DNAAF9: variants seen among roughly 807,000 people sequenced by gnomAD.
DNAAF9 encodes shulin.
In DNAAF9, 90 loss-of-function variants were observed where a neutral mutation model predicts 167.0. The ratio of observed to expected loss-of-function variants is 0.54; its 90% CI spans 0.45 to 0.64. DNAAF9 has a LOEUF of 0.64. DNAAF9 is among the 30% of genes least tolerant of loss of function. The pLI is 0.00. For synonymous variants in DNAAF9, 491 were observed against 508.8 expected (o/e 0.96, Z 0.47); for missense variants, 1,315 against 1,442.2 (o/e 0.91, Z 1.43).
intron 13 of DNAAF9, among the ~76,000 whole-genome samples, chr20:3,325,633 G>C (rs1372855578): frequency 6.6e-6 from 1 of 152,132 alleles, no homozygotes; most frequent in African/African-American, 2.4e-5. Context: ...TTGGCATTTG[G>C]GAGGCATCAA....
At chr20:3,299,933 C>T (rs1387855887) in intron 21 of DNAAF9, among the ~76,000 whole-genome samples, 1 of 152,082 alleles carries the variant, frequency 6.6e-6, no homozygotes. Context: ...ACACAGTTTT[C>T]ACTCTCTCAC....
intron 22 of DNAAF9, among the ~76,000 whole-genome samples, chr20:3,297,395 T>G (rs893373947): frequency 2.6e-5 from 4 of 152,278 alleles, no homozygotes; most frequent in African/African-American, 9.6e-5. Flanking sequence ...CAGACTGGGC[T>G]GAGAAGCTAT....
intron 10 of DNAAF9, among the ~76,000 whole-genome samples, chr20:3,336,558 T>C (rs1264860524): frequency 6.6e-6 from 1 of 152,156 alleles, no homozygotes; most frequent in Non-Finnish European, 1.5e-5. Flanking sequence ...CTGTTATTTA[T>C]TTATTTTTGA....
intron 1 of DNAAF9, among the ~76,000 whole-genome samples, chr20:3,385,933 G>T (rs1044414563): frequency 2.6e-5 from 4 of 152,118 alleles, no homozygotes; most frequent in Admixed American, 1.3e-4. Context: ...CCCTAATGTG[G>T]TAAGTTTAAC....
In DNAAF9 at chr20:3,376,265, C is replaced by T. The variant is rs183387349; in HGVS notation, c.321G>A (p.Leu107=). 2,894 of 1,612,074 alleles carry T rather than the reference C, an allele frequency of 1.8e-3. 3 individuals are homozygous for T. The highest frequency in any genetic ancestry group is 2.0e-3 in the Non-Finnish European group (2,392 of 1,178,662). ...AGCGAAAGTTTACAGGATTACAGTA[C>T]AGATGGACGCTATCCGATTTAATCA... ...IILIKSDSVH[L]YCNPVNFRYL... Residue 107 remains leucine, a synonymous_variant, in exon 4 of 37, where the codon CTG becomes CTA. Transcript: ENST00000252032.
intron 1 of DNAAF9, among the ~76,000 whole-genome samples, chr20:3,384,975 T>C (rs1438364759): frequency 6.6e-6 from 1 of 152,044 alleles, no homozygotes; most frequent in Non-Finnish European, 1.5e-5. Context: ...ATAAATTATA[T>C]GAATGTACCC....
chr20:3,341,668 T>C (rs2070087870), intron 9 of DNAAF9, among the ~76,000 whole-genome samples: 1 of 152,228 alleles, frequency 6.6e-6, no homozygotes, highest in Non-Finnish European at 1.5e-5. Context: ...ACAACCTTAG[T>C]CCATGCTGCC....
At chr20:3,359,185 A>G (rs2083327748) in intron 7 of DNAAF9, among the ~76,000 whole-genome samples, 1 of 152,186 alleles carries the variant, frequency 6.6e-6, no homozygotes, top group African/African-American at 2.4e-5. Flanking sequence ...CTATCTTTTC[A>G]TGCCAGAGAA....
intron 20 of DNAAF9, among the ~76,000 whole-genome samples, chr20:3,310,455 T>A: frequency 6.6e-6 from 1 of 151,418 alleles, no homozygotes; most frequent in Non-Finnish European, 1.5e-5. Context: ...GAGGCCGAGG[T>A]GGGCAGATGA....
At chr20:3,287,305 G>T (rs145520978) in intron 27 of DNAAF9, among the ~76,000 whole-genome samples, 1 of 152,306 alleles carries the variant, frequency 6.6e-6, no homozygotes, top group Non-Finnish European at 1.5e-5. Flanking sequence ...AACAGATGAA[G>T]CTCCCTTATT....
At chr20:3,292,323 C>G (rs1462932882) in intron 25 of DNAAF9, among the ~76,000 whole-genome samples, 6 of 152,030 alleles carry the variant, frequency 3.9e-5, no homozygotes, top group Admixed American at 3.3e-4. Flanking sequence ...TAAAATACAA[C>G]AAGTAGGTAT....
At chr20:3,292,002 CTTT>C (rs869291982) in intron 25 of DNAAF9, among the ~76,000 whole-genome samples, 1 of 143,872 alleles carries the variant, frequency 7.0e-6, no homozygotes. Flanking sequence ...CCAAGAGCAC[CTTT>C]TTTTTTTTTT....
At chr20:3,347,650 G>A (rs992735826) in intron 8 of DNAAF9, among the ~76,000 whole-genome samples, 4 of 151,874 alleles carry the variant, frequency 2.6e-5, no homozygotes, top group African/African-American at 4.9e-5. Flanking sequence ...AAAGGTAGCC[G>A]GATGCGATGG....
intron 27 of DNAAF9, among the ~76,000 whole-genome samples, chr20:3,287,319 AT>A (rs971213971): frequency 2.7e-4 from 41 of 152,336 alleles, no homozygotes; most frequent in African/African-American, 8.7e-4. Context: ...CCTTATTTAG[AT>A]GATGAATGAA....
intron 22 of DNAAF9, among the ~76,000 whole-genome samples, chr20:3,297,260 G>A (rs2069097891): frequency 6.6e-6 from 1 of 152,094 alleles, no homozygotes; most frequent in African/African-American, 2.4e-5. Flanking sequence ...AGAAAGGAGT[G>A]GTTCAAGCAA....
rs916714891 is a variant in DNAAF9, at chr20:3,296,649, G to A, written c.2018+212C>T. 1.7e-5 allele frequency: 9 copies of A among 530,116 alleles called. No individual in the cohort carries two copies. In the Admixed American group the frequency reaches 1.8e-4, roughly 10 times the overall value. 32.8% of individuals were successfully genotyped at this position (530,116 alleles called of 1,614,324 possible). On this transcript the variant is annotated intron_variant, in intron 23 of 36. Coordinates refer to ENST00000252032, the MANE Select transcript of DNAAF9 (RefSeq NM_001009984.3). ...TCCTGCCTCAGCCTCCCAAAGTGTT[G>A]GGATTACAAGTGTGAGGCACTGCAC... is the stretch of plus-strand genomic sequence containing the variant.
intron 9 of DNAAF9, among the ~76,000 whole-genome samples, chr20:3,342,977 T>G (rs1006696487): frequency 3.3e-5 from 5 of 152,180 alleles, no homozygotes; most frequent in African/African-American, 9.7e-5. Flanking sequence ...GTCACATGCA[T>G]AATTTGCAAA....
At chr20:3,355,476 G>T (rs1421494282) in intron 7 of DNAAF9, among the ~76,000 whole-genome samples, 1 of 152,036 alleles carries the variant, frequency 6.6e-6, no homozygotes, top group Non-Finnish European at 1.5e-5. Flanking sequence ...TCAGGAGGCT[G>T]AGGTATGAGA....
intron 10 of DNAAF9, 21 bp downstream of exon 10, chr20:3,340,483 C>A: frequency 1.0e-6 from 1 of 990,608 alleles, no homozygotes; most frequent in Non-Finnish European, 1.4e-6. Flanking sequence ...TAATCAAGCA[C>A]CAGGCAGTCC....
Sources: allele counts gnomAD v4.1 joint callset (sites outside exome capture counted in the v4.1 genomes callset), GRCh38; gene constraint gnomAD v4.1.1; transcripts MANE v1.5; gene names NCBI Gene and HGNC (gene_info 2026-07-23, HGNC 2026-07-21).